SLC25A48: variants seen among roughly 807,000 people sequenced by gnomAD.
SLC25A48 encodes CTC-321K16.1.
Under a neutral mutation model 32.2 loss-of-function variants are expected in SLC25A48, and 29 were observed. The ratio of observed to expected loss-of-function variants is 0.90; its 90% CI spans 0.67 to 1.23. The LOEUF is 1.23. Ranked by LOEUF, SLC25A48 falls within the 50% of genes most tolerant of loss-of-function variation. The pLI is 0.00. For missense variants in SLC25A48, 399 were observed against 422.7 expected (o/e 0.94, Z 0.49); for synonymous variants, 164 against 172.3 (o/e 0.95, Z 0.38).
At chr5:135,691,989 T>C (rs1271588967) in intron 3 of SLC25A48, among the ~76,000 whole-genome samples, 1 of 152,010 alleles carries the variant, frequency 6.6e-6, no homozygotes, top group Non-Finnish European at 1.5e-5. Context: ...AAGAGCTACG[T>C]GAGTTGTGTT....
At chr5:135,738,008 G>A (rs1429645958) in intron 3 of SLC25A48, among the ~76,000 whole-genome samples, 1 of 152,104 alleles carries the variant, frequency 6.6e-6, no homozygotes, top group African/African-American at 2.4e-5. Flanking sequence ...TGATACTTGG[G>A]ACTGATGTGT....
intron 3 of SLC25A48, among the ~76,000 whole-genome samples, chr5:135,772,438 G>A (rs56030702): frequency 0.4 from 61,042 of 151,460 alleles, 14,191 homozygotes; most frequent in Non-Finnish European, 0.52. Context: ...TCCCTATATC[G>A]TTGTGGGTGT....
rs79851320 is a variant in SLC25A48 at position 135,741,811 on chromosome 5, G to T, written c.-520-70712G>T. 4.8e-4 allele frequency among the ~76,000 whole-genome samples: 73 copies of T among 152,316 alleles called. 2 individuals are homozygous for T. In the East Asian group the frequency reaches 0.014, roughly 29 times the overall value. ...GGCCATAAAATCAGGAGATGGGCTG[G>T]ATTTGGCCCACTGGCTATAGTTTGC... On this transcript the variant is annotated intron_variant, in intron 3 of 10. Transcript: ENST00000646290.
chr5:135,676,113 G>A lies in SLC25A48; in HGVS notation c.-521+41157G>A, dbSNP rs75900360. Reference sequence around the variant, plus strand: ...AAGAGTTTTTTGGTGGACTCTTTAGGTATTTCTAGTTATAGGATCATATCA... The same window carrying A: ...AAGAGTTTTTTGGTGGACTCTTTAGATATTTCTAGTTATAGGATCATATCA... On this transcript the variant is annotated intron_variant, in intron 3 of 10. Coordinates refer to the SLC25A48 transcript ENST00000646290. Among the ~76,000 whole-genome samples, 25 of 151,820 alleles carry A rather than the reference G, an allele frequency of 1.6e-4. No homozygotes were observed. The East Asian group carries it at 4.6e-3, about 28-fold the overall frequency.
chr5:135,635,507 G>T (rs774239430), intron 3 of SLC25A48, among the ~76,000 whole-genome samples: 6 of 152,212 alleles, frequency 3.9e-5, no homozygotes, highest in Non-Finnish European at 7.3e-5. Flanking sequence ...CACTAGAGGA[G>T]CCTTAGAGGT....
intron 1 of SLC25A48, among the ~76,000 whole-genome samples, chr5:135,584,784 C>T (rs1751323762): frequency 6.6e-6 from 1 of 152,124 alleles, no homozygotes; most frequent in Non-Finnish European, 1.5e-5. Context: ...AATGCTTATG[C>T]AGTAAGTAGA....
chr5:135,644,007 C>T lies in SLC25A48; in HGVS notation c.-521+9051C>T, dbSNP rs76087992. Among the ~76,000 whole-genome samples, 922 of 152,276 alleles carry T rather than the reference C, an allele frequency of 6.1e-3. 10 individuals carry two copies. Among genetic ancestry groups the T allele is most frequent in the Non-Finnish European group, 0.01 (713 of 68,028 alleles). ...TCTTTATTAGAGCCAGAGGACTGATCTCAGAGAAAATAGATACTTTAATCT... is the reference window on the plus strand; with the variant it reads ...TCTTTATTAGAGCCAGAGGACTGATTTCAGAGAAAATAGATACTTTAATCT... On this transcript the variant is annotated intron_variant, in intron 3 of 10. Transcript: ENST00000646290.
At chr5:135,836,283 G>C (rs571904864) in intron 1 of SLC25A48, among the ~76,000 whole-genome samples, 2 of 151,712 alleles carry the variant, frequency 1.3e-5, no homozygotes, top group African/African-American at 4.8e-5. Context: ...GCTTTATTCT[G>C]GTCCTTACTT....
rs368823961 is a variant in SLC25A48 at position 135,774,976 on chromosome 5, G to A, written c.-520-37547G>A. ...CAGTATCATAGAGGTTGTACACCCC[G>A]CTTGTGATATTGTTCCTAATATCCA... On this transcript the variant is annotated intron_variant, in intron 3 of 10. Transcript: ENST00000646290. Among the ~76,000 whole-genome samples the A allele has an allele frequency of 2.0e-4, 30 of 151,600 alleles. No homozygotes were observed. The East Asian group carries it at 3.9e-3, about 20-fold the overall frequency.
At chr5:135,774,403 T>C (rs1383014825) in intron 3 of SLC25A48, among the ~76,000 whole-genome samples, 4 of 151,834 alleles carry the variant, frequency 2.6e-5, no homozygotes, top group African/African-American at 4.8e-5. Flanking sequence ...TGGGAGAGGA[T>C]GCTATTACTC....
chr5:135,749,795 T>C (rs1329074914), intron 3 of SLC25A48, among the ~76,000 whole-genome samples: 1 of 152,160 alleles, frequency 6.6e-6, no homozygotes, highest in African/African-American at 2.4e-5. Flanking sequence ...TTTCACTATA[T>C]TGGCCAGGTT....
At chr5:135,751,938 T>C (rs1755780490) in intron 3 of SLC25A48, among the ~76,000 whole-genome samples, 1 of 152,204 alleles carries the variant, frequency 6.6e-6, no homozygotes, top group Non-Finnish European at 1.5e-5. Context: ...TTTCAACCAA[T>C]GGTATTGGAA....
In SLC25A48 at chr5:135,602,803, T is replaced by C. The variant is rs187052081; in HGVS notation, c.-849+23206T>C. 7.0e-3 allele frequency among the ~76,000 whole-genome samples: 1,065 copies of C among 152,204 alleles called. 17 individuals carry two copies. The highest frequency in any genetic ancestry group is 0.025 in the African/African-American group (1,030 of 41,524). The stretch of plus-strand genomic sequence containing the variant: ...GACAGGCCCTGGTGTGTGATGTTCC[T>C]CTTCCTGTGTCCAAGCGTTCTCATT... On this transcript the variant is annotated intron_variant, in intron 1 of 10. Coordinates refer to the SLC25A48 transcript ENST00000646290.
intron 1 of SLC25A48, among the ~76,000 whole-genome samples, chr5:135,622,464 C>G (rs780011131): frequency 4.6e-5 from 7 of 152,140 alleles, no homozygotes; most frequent in Non-Finnish European, 8.8e-5. Context: ...CATGGCCCAT[C>G]CATATGATGA....
intron 2 of SLC25A48, among the ~76,000 whole-genome samples, chr5:135,849,432 GGGTACTCTTC>G (rs1248659955): frequency 6.6e-6 from 1 of 152,172 alleles, no homozygotes; most frequent in Admixed American, 6.5e-5. Context: ...ACTAGGGCAG[GGGTACTCTTC>G]GGTGGGCTTA....
At chr5:135,722,589 T>G (rs995817443) in intron 3 of SLC25A48, among the ~76,000 whole-genome samples, 5 of 152,262 alleles carry the variant, frequency 3.3e-5, no homozygotes, top group African/African-American at 1.2e-4. Flanking sequence ...TTAGGCAAGT[T>G]ACTAGTCTCT....
intron 3 of SLC25A48, among the ~76,000 whole-genome samples, chr5:135,730,333 T>C (rs1264936617): frequency 6.6e-6 from 1 of 152,176 alleles, no homozygotes; most frequent in African/African-American, 2.4e-5. Flanking sequence ...GTTCTCATGA[T>C]AGTGAATAAG....
At chr5:135,631,412 G>C (rs1752566603) in intron 2 of SLC25A48, among the ~76,000 whole-genome samples, 1 of 152,346 alleles carries the variant, frequency 6.6e-6, no homozygotes, top group Non-Finnish European at 1.5e-5. Context: ...GCCATGGCTT[G>C]TGCCTTTGGG....
intron 1 of SLC25A48, among the ~76,000 whole-genome samples, chr5:135,590,680 C>G (rs948751683): frequency 1.6e-4 from 24 of 152,274 alleles, no homozygotes; most frequent in African/African-American, 5.5e-4. Flanking sequence ...GGCCCACCCC[C>G]ACCCCAACAC....
Sources: gnomAD v4.1 joint callset for allele counts (sites outside exome capture counted in the v4.1 genomes callset) on GRCh38, gnomAD v4.1.1 for gene constraint, MANE v1.5 for transcripts, NCBI Gene and HGNC (gene_info 2026-07-23, HGNC 2026-07-21) for gene names.